Variants in PPP2R2B observed in about 807,000 individuals in gnomAD.
PPP2R2B encodes the protein protein phosphatase 2 regulatory subunit Bbeta, also known as serine/threonine-protein phosphatase 2A 55 kDa regulatory subunit B beta isoform.
Under a neutral mutation model 46.0 loss-of-function variants are expected in PPP2R2B, and 5 were observed. The ratio of observed to expected loss-of-function variants is 0.11; its 90% CI spans 0.06 to 0.23. PPP2R2B has a LOEUF of 0.23. PPP2R2B is among the 10% of genes least tolerant of loss of function. PPP2R2B has a pLI of 1.00. For synonymous variants in PPP2R2B, 215 were observed against 206.7 expected (o/e 1.04, Z -0.34); for missense variants, 367 against 575.0 (o/e 0.64, Z 3.70).
intron 1 of PPP2R2B, among the ~76,000 whole-genome samples, chr5:147,022,206 T>C (rs564107332): frequency 1.3e-5 from 2 of 152,164 alleles, no homozygotes; most frequent in African/African-American, 2.4e-5. Flanking sequence ...CATACTGCAA[T>C]TGGAGTTCTA....
chr5:146,993,333 C>T (rs1054209316), intron 1 of PPP2R2B, among the ~76,000 whole-genome samples: 1 of 152,142 alleles, frequency 6.6e-6, no homozygotes, highest in Non-Finnish European at 1.5e-5. Context: ...GCCTCTGCCT[C>T]CTAGGTTTGA....
rs1774206670 is a variant in PPP2R2B at position 146,628,448 on chromosome 5, A to C, written c.790+9803T>G. Among the ~76,000 whole-genome samples the C allele has an allele frequency of 4.6e-5, 7 of 152,294 alleles. No homozygotes were observed. The South Asian group carries it at 1.5e-3, about 32-fold the overall frequency. On this transcript the variant is annotated intron_variant, in intron 7 of 9. Coordinates refer to ENST00000394411, the MANE Select transcript of PPP2R2B (RefSeq NM_181675.4). ...GTCTACAGGCAGTGGACTTGCTGGT[A>C]GAGCCAGTGCAAGGATTGGTGCTGC... is the stretch of plus-strand genomic sequence containing the variant.
At chr5:146,879,692 A>C (rs960594073), upstream of PPP2R2B, among the ~76,000 whole-genome samples, 1 of 152,118 alleles carries the variant, frequency 6.6e-6, no homozygotes, top group African/African-American at 2.4e-5. Flanking sequence ...CAAATTTCAA[A>C]CTCTACTTTT....
At chr5:146,657,795 G>C (rs971024341) in intron 5 of PPP2R2B, among the ~76,000 whole-genome samples, 12 of 152,064 alleles carry the variant, frequency 7.9e-5, no homozygotes, top group Admixed American at 1.3e-4. Context: ...AAAAATTGCT[G>C]TCAATTTAAA....
At position 146,590,083 on chromosome 5, in the gene PPP2R2B, C is replaced by T. The variant is rs766165890; in HGVS notation, c.1196G>A (p.Arg399Gln). The change falls in exon 10 of 10, where the codon CGG (arginine) becomes CAG (glutamine). Residue 399 changes from arginine to glutamine, a missense_variant. Physicochemically the swap from Arg to Gln is conservative, Grantham distance 43. Coordinates refer to ENST00000394411, the MANE Select transcript of PPP2R2B (RefSeq NM_181675.4). ...KPRKVCVGGK[R>Q]RKDEISVDSL... ...GTCGACACTGATCTCGTCTTTTCTC[C>T]GCTTGCCCCCCACACACACTTTTCG... 9.3e-6 allele frequency: 15 copies of T among 1,613,962 alleles called. No individual in the cohort carries two copies. The highest frequency in any genetic ancestry group is 2.2e-5 in the East Asian group (1 of 44,886).
intron 1 of PPP2R2B, among the ~76,000 whole-genome samples, chr5:146,899,616 A>G (rs902314709): frequency 1.3e-5 from 2 of 152,200 alleles, no homozygotes; most frequent in African/African-American, 2.4e-5. Flanking sequence ...CTAAAACTTA[A>G]AGTATAATAA....
At chr5:146,919,111 C>G (rs899429169) in intron 1 of PPP2R2B, among the ~76,000 whole-genome samples, 1 of 152,122 alleles carries the variant, frequency 6.6e-6, no homozygotes, top group African/African-American at 2.4e-5. Flanking sequence ...ATAACTTGCC[C>G]AAAGACATAA....
intron 2 of PPP2R2B, among the ~76,000 whole-genome samples, chr5:146,731,502 T>C (rs565001353): frequency 6.6e-6 from 1 of 152,364 alleles, no homozygotes; most frequent in Non-Finnish European, 1.5e-5. Context: ...TTCTTCTCCT[T>C]TCCCTCTTCA....
At chr5:146,657,847 G>A (rs1776434630) in intron 5 of PPP2R2B, among the ~76,000 whole-genome samples, 1 of 152,108 alleles carries the variant, frequency 6.6e-6, no homozygotes, top group African/African-American at 2.4e-5. Context: ...TTCAACAGAT[G>A]CTCCCCATTC....
chr5:146,878,148 C>A lies in PPP2R2B; in HGVS notation c.-77G>T. The A allele has an allele frequency of 6.2e-7, 1 of 1,609,440 alleles. No homozygotes were observed. The highest frequency in any genetic ancestry group is 1.7e-5 in the Admixed American group (1 of 59,220). On this transcript the variant is annotated 5_prime_UTR_variant, in exon 2 of 10. Coordinates refer to ENST00000394411, the MANE Select transcript of PPP2R2B (RefSeq NM_181675.4). This position sits in a 1 kb window ranked among gnomAD's most constrained non-coding sequence, Gnocchi z 4.5. ...TGATCCCTCCCCGCAGCCAGTCTCA[C>A]AGGAGAGGGGGGCAGGGGAGCCAGT...
chr5:146,886,809 C>A (rs1221850644), intron 1 of PPP2R2B, among the ~76,000 whole-genome samples: 1 of 151,066 alleles, frequency 6.6e-6, no homozygotes, highest in Non-Finnish European at 1.5e-5. Flanking sequence ...TTTAGATTAT[C>A]ATTTTAAACT....
At chr5:146,875,645 C>A (rs1761854998) in intron 2 of PPP2R2B, among the ~76,000 whole-genome samples, 1 of 152,088 alleles carries the variant, frequency 6.6e-6, no homozygotes, top group South Asian at 2.1e-4. Context: ...AAAAAAAGAA[C>A]AATCTGACAT....
At chr5:147,045,670 C>G (rs1487145960) in intron 1 of PPP2R2B, among the ~76,000 whole-genome samples, 1 of 151,912 alleles carries the variant, frequency 6.6e-6, no homozygotes, top group Non-Finnish European at 1.5e-5. Context: ...AAATGTACAC[C>G]CCTCGATAAT....
chr5:146,634,763 TAC>T (rs57882196), intron 7 of PPP2R2B, among the ~76,000 whole-genome samples: 10,496 of 149,206 alleles, frequency 0.07, 408 homozygotes, highest in African/African-American at 0.098. Context: ...TCTCTTAACT[TAC>T]ACACACACAC....
chr5:146,933,677 T>G (rs2151823769), intron 1 of PPP2R2B, among the ~76,000 whole-genome samples: 2 of 148,958 alleles, frequency 1.3e-5, no homozygotes, highest in East Asian at 3.9e-4. Flanking sequence ...TTTTTTTAAG[T>G]TTTTTTTTTC....
rs112556623 is a variant in PPP2R2B, at chr5:146,707,284, C to T, written c.71-6142G>A. On this transcript the variant is annotated intron_variant, in intron 2 of 9. Transcript: ENST00000394411. ...CATCTTGTTCTGCTGCTCCAGGAAC[C>T]GTACCTTGTCGACGAAGGAGGCAAA... The T allele has an allele frequency of 1.8e-4, 275 of 1,558,186 alleles. 1 individual carries two copies. The African/African-American group carries it at 3.0e-3, about 17-fold the overall frequency.
intron 1 of PPP2R2B, among the ~76,000 whole-genome samples, chr5:147,011,011 C>T (rs1019028180): frequency 1.3e-5 from 2 of 152,148 alleles, no homozygotes; most frequent in Non-Finnish European, 2.9e-5. Flanking sequence ...TGGCTGCCCA[C>T]GTCACTGAGG....
At chr5:146,782,519 T>G (rs907442118) in intron 2 of PPP2R2B, among the ~76,000 whole-genome samples, 3 of 152,240 alleles carry the variant, frequency 2.0e-5, no homozygotes, top group African/African-American at 7.2e-5. Context: ...GCCTGAGTGA[T>G]GACTACCTGA....
At chr5:146,707,595 A>C in intron 2 of PPP2R2B, 1 of 673,508 alleles carries the variant, frequency 1.5e-6, no homozygotes. Flanking sequence ...ACCCTGATGG[A>C]CATGGTGGAG....
Sources: gnomAD v4.1 joint callset for allele counts (sites outside exome capture counted in the v4.1 genomes callset) on GRCh38, gnomAD v4.1.1 for gene constraint, Gnocchi (gnomAD v3.1) non-coding constraint, MANE v1.5 for transcripts, NCBI Gene and HGNC (gene_info 2026-07-23, HGNC 2026-07-21) for gene names.